Variants in BMP1 observed in about 807,000 individuals in gnomAD.
BMP1 encodes the protein mammalian tolloid protein.
In BMP1, 63 loss-of-function variants were observed where a neutral mutation model predicts 116.8. The observed-to-expected ratio is 0.54, with a 90% CI of 0.44 to 0.67. The LOEUF (loss-of-function observed/expected upper bound fraction) is 0.67. BMP1 is among the 30% of genes least tolerant of loss of function. The probability of loss-of-function intolerance (pLI) is 0.00; values close to 1 mark genes in which losing one functional copy is unlikely to be tolerated. For missense variants in BMP1, 1,183 were observed against 1,358.9 expected (o/e 0.87, Z 2.04); for synonymous variants, 536 against 533.4 (o/e 1.00, Z -0.07).
At position 22,211,927 on chromosome 8, in the gene BMP1, C is replaced by A; in HGVS notation, c.*199C>A. ...AAGCCACTTCCCCACAAACCCCCAC[C>A]AGCAAGGGGCTGGGGCCAGGGAGCA... On this transcript the variant is annotated 3_prime_UTR_variant, in exon 20 of 20. Coordinates refer to ENST00000306385, the MANE Select transcript of BMP1 (RefSeq NM_006129.5). 1.4e-6 allele frequency: 1 copy of A among 734,174 alleles called. No homozygotes were observed. The highest frequency in any genetic ancestry group is 2.2e-6 in the Non-Finnish European group (1 of 460,348). The allele number at this position is 734,174 out of a possible 1,614,324, so 45.5% of individuals were successfully genotyped here.
Position 22,211,614 on chromosome 8 carries a change from G to C in BMP1, c.2847G>C (p.Ser949=). The change falls in exon 20 of 20, where the codon TCG becomes TCC. Residue 949 remains serine, a synonymous_variant. Coordinates refer to ENST00000306385, the MANE Select transcript of BMP1 (RefSeq NM_006129.5). Reference sequence around the variant, plus strand: ...GCCAGCCTCCTGAGGAGGTGTACTCGGCGGGAGATTCTGTCCTGGTGAAGT... The same window carrying C: ...GCCAGCCTCCTGAGGAGGTGTACTCCGCGGGAGATTCTGTCCTGGTGAAGT... ...CGSGPPEEVY[S]AGDSVLVKFH... The C allele has an allele frequency of 6.2e-7, 1 of 1,614,148 alleles. No homozygotes were observed.
At chr8:22,197,154 G>A in intron 14 of BMP1, 86 bp from the exon 15 acceptor site, 2 of 1,515,238 alleles carry the variant, frequency 1.3e-6, no homozygotes, top group Non-Finnish European at 9.0e-7. Flanking sequence ...GCTAAAGGAT[G>A]TGCAGAACAG....
At position 22,194,955 on chromosome 8, in the gene BMP1, C is replaced by T; in HGVS notation, c.1639+36C>T. The T allele has an allele frequency of 6.4e-7, 1 of 1,556,972 alleles. No homozygotes were observed. The highest frequency in any genetic ancestry group is 8.7e-7 in the Non-Finnish European group (1 of 1,149,922). On this transcript the variant is annotated intron_variant, in intron 12 of 19. Transcript: ENST00000306385. The surrounding 1 kb of genome is among the most constrained non-coding windows in gnomAD (Gnocchi z 4.5). ...TGTTACTCTCCCCTGCCCCAAGGTG[C>T]CTCGTGACCTTCATCCCTTCTTCAC... is the stretch of plus-strand genomic sequence containing the variant.
At position 22,194,151 on chromosome 8, in the gene BMP1, A is replaced by C; in HGVS notation, c.1274A>C (p.Lys425Thr). ...CGCAGCAGCAGCAATTGGGTTGGAA[A>C]GGGCTTCTTTGCAGTCTACGAAGGT... is the stretch of plus-strand genomic sequence containing the variant. ...EFRSSSNWVG[K>T]GFFAVYEAIC... Residue 425 changes from lysine to threonine, a missense_variant, in exon 10 of 20, where the codon AAG (lysine) becomes ACG (threonine). Physicochemically the swap from Lys to Thr is moderately conservative, Grantham distance 78. Transcript: ENST00000306385. This position sits in a 1 kb window ranked among gnomAD's most constrained non-coding sequence, Gnocchi z 4.5. 6.2e-7 allele frequency: 1 copy of C among 1,614,122 alleles called. No individual in the cohort carries two copies. Among genetic ancestry groups the C allele is most frequent in the South Asian group, 1.1e-5 (1 of 91,070 alleles).
chr8:22,203,175 A>C (rs1829295345), intron 16 of BMP1, among the ~76,000 whole-genome samples: 1 of 152,154 alleles, frequency 6.6e-6, no homozygotes, highest in Non-Finnish European at 1.5e-5. Flanking sequence ...AGCACAACAC[A>C]GACTTGCCTC....
At chr8:22,201,635 C>T in intron 15 of BMP1, 168 bp from the exon 16 acceptor site, 2 of 1,365,604 alleles carry the variant, frequency 1.5e-6, no homozygotes, top group Non-Finnish European at 1.9e-6. Context: ...CCCCTTTGGA[C>T]CCCCTTGTCG....
chr8:22,168,991 A>G (rs1828197360), intron 1 of BMP1, among the ~76,000 whole-genome samples: 1 of 152,098 alleles, frequency 6.6e-6, no homozygotes, highest in Admixed American at 6.5e-5. Flanking sequence ...ACACAGCAAG[A>G]TGCCCATCTC....
At chr8:22,169,734 C>T (rs550321595) in intron 1 of BMP1, 49 of 152,362 alleles carry the variant, frequency 3.2e-4, no homozygotes, top group African/African-American at 1.2e-3. Flanking sequence ...CAGCCAGCCT[C>T]CTCTCCCCAC....
At chr8:22,174,777 CA>C (rs1828384362) in intron 2 of BMP1, among the ~76,000 whole-genome samples, 1 of 152,072 alleles carries the variant, frequency 6.6e-6, no homozygotes, top group Non-Finnish European at 1.5e-5. Context: ...GGACCACAGG[CA>C]TGCAACACCA....
intron 8 of BMP1, 94 bp downstream of exon 8, chr8:22,180,577 GC>G: frequency 8.7e-7 from 1 of 1,143,498 alleles, no homozygotes; most frequent in South Asian, 1.3e-5. Flanking sequence ...ATGGGTGCCA[GC>G]GACCTACCTG....
At position 22,207,396 on chromosome 8, in the gene BMP1, G is replaced by A. The variant is rs200936548; in HGVS notation, c.2455G>A (p.Gly819Ser). The change falls in exon 18 of 20, where the codon GGC (glycine) becomes AGC (serine). Residue 819 changes from glycine (G) to serine (S), a missense_variant. Around this residue, in one of 4 missense-constraint regions of BMP1, gnomAD observed 956 missense variants for 1,135.2 expected, o/e 0.84. Coordinates refer to ENST00000306385, the MANE Select transcript of BMP1 (RefSeq NM_006129.5). ...GCGAGACGCCAAGGCCCCCGTCCTC[G>A]GCCGCTTCTGTGGGAGCAAGAAGCC... is the stretch of plus-strand genomic sequence containing the variant. ...DGRDAKAPVLGRFCGSKKPEP... is the reference protein window; with the variant it reads ...DGRDAKAPVLSRFCGSKKPEP... 114 of 1,614,148 alleles carry A rather than the reference G, an allele frequency of 7.1e-5. No individual in the cohort carries two copies. The highest frequency in any genetic ancestry group is 3.3e-4 in the Middle Eastern group (2 of 6,062).
At chr8:22,168,508 T>C (rs1163537690) in intron 1 of BMP1, among the ~76,000 whole-genome samples, 1 of 152,118 alleles carries the variant, frequency 6.6e-6, no homozygotes, top group Non-Finnish European at 1.5e-5. Context: ...AGCTGGGTAG[T>C]GACCCTGTGC....
chr8:22,188,791 T>C (rs1478218468), intron 8 of BMP1, among the ~76,000 whole-genome samples: 1 of 152,200 alleles, frequency 6.6e-6, no homozygotes, highest in African/African-American at 2.4e-5. Flanking sequence ...TTCTGCCGGC[T>C]GGGCGTGGTT....
Position 22,196,752 on chromosome 8 carries a change from C to A in BMP1, c.1838C>A (p.Pro613His), listed in dbSNP as rs374904129. 3.4e-5 allele frequency: 55 copies of A among 1,614,006 alleles called. No individual in the cohort carries two copies. Among genetic ancestry groups the A allele is most frequent in the Non-Finnish European group, 4.2e-5 (49 of 1,180,026 alleles). ...TSPGWPKEYP[P>H]NKNCIWQLVA... ...CCGGGCTGGCCCAAGGAGTACCCCC[C>A]CAACAAGAACTGCATCTGGCAGCTG... is the stretch of plus-strand genomic sequence containing the variant. Residue 613 changes from proline (P) to histidine (H), a missense_variant, in exon 14 of 20, where the codon CCC (proline) becomes CAC (histidine). Coordinates refer to ENST00000306385, the MANE Select transcript of BMP1 (RefSeq NM_006129.5).
intron 1 of BMP1, among the ~76,000 whole-genome samples, chr8:22,167,623 G>T (rs1563233591): frequency 1.3e-5 from 2 of 152,216 alleles, no homozygotes; most frequent in Non-Finnish European, 2.9e-5. Flanking sequence ...CTAGGGTGGG[G>T]CTGGCTGAGT....
At chr8:22,171,815 C>T (rs1828285256) in intron 1 of BMP1, 1 of 152,184 alleles carries the variant, frequency 6.6e-6, no homozygotes, top group Non-Finnish European at 1.5e-5. Context: ...TCTGTTGATC[C>T]TGTCTAGGTG....
chr8:22,176,684 C>T, intron 4 of BMP1, 34 bp downstream of exon 4: 1 of 1,605,752 alleles, frequency 6.2e-7, no homozygotes, highest in Non-Finnish European at 8.5e-7. Flanking sequence ...GTACCTTCCG[C>T]CATTGCCCCA....
chr8:22,181,763 C>T (rs1586446246), intron 8 of BMP1, among the ~76,000 whole-genome samples: 3 of 152,274 alleles, frequency 2.0e-5, no homozygotes, highest in East Asian at 1.9e-4. Context: ...CCATGTTGCA[C>T]AGGCTGGTCT....
At chr8:22,175,895 G>A (rs1828416007) in intron 2 of BMP1, among the ~76,000 whole-genome samples, 1 of 152,210 alleles carries the variant, frequency 6.6e-6, no homozygotes, top group Non-Finnish European at 1.5e-5. Flanking sequence ...AAAGCAGAAA[G>A]CGGAGCGTTG....
Sources: allele counts gnomAD v4.1 joint callset (sites outside exome capture counted in the v4.1 genomes callset), GRCh38; gene constraint gnomAD v4.1.1; regional missense constraint gnomAD v4.1.1; non-coding constraint Gnocchi (gnomAD v3.1); transcripts MANE v1.5; gene names NCBI Gene and HGNC (gene_info 2026-07-23, HGNC 2026-07-21).